LNPEP: variants seen among roughly 807,000 people sequenced by gnomAD.
The protein encoded by LNPEP is leucyl and cystinyl aminopeptidase.
In LNPEP, 64 loss-of-function variants were observed where a neutral mutation model predicts 120.6. The observed-to-expected ratio is 0.53, with a 90% confidence interval of 0.43 to 0.65. The LOEUF (loss-of-function observed/expected upper bound fraction) is 0.65, where lower values mean the gene tolerates loss of function less well. Ranked by LOEUF, LNPEP falls within the 30% of genes least tolerant of loss-of-function variation. The pLI is 0.00. For synonymous variants in LNPEP, 435 were observed against 425.4 expected (o/e 1.02, Z -0.28); for missense variants, 1,057 against 1,200.0 (o/e 0.88, Z 1.76).
intron 13 of LNPEP, among the ~76,000 whole-genome samples, chr5:97,017,947 C>T (rs938197680): frequency 3.3e-5 from 5 of 152,022 alleles, no homozygotes; most frequent in Admixed American, 1.3e-4. Flanking sequence ...GGTGACTAAC[C>T]GTGGCCTTTG....
chr5:96,963,326 G>T (rs1041908628), intron 1 of LNPEP, among the ~76,000 whole-genome samples: 1 of 152,108 alleles, frequency 6.6e-6, no homozygotes, highest in Admixed American at 6.6e-5. Context: ...CATTTTCTTT[G>T]CTCATGATTT....
intron 11 of LNPEP, among the ~76,000 whole-genome samples, chr5:97,012,543 A>G (rs1327091865): frequency 6.6e-6 from 1 of 152,148 alleles, no homozygotes; most frequent in African/African-American, 2.4e-5. Flanking sequence ...GGTCATTGTT[A>G]TAGGGGCTGA....
At chr5:96,943,607 T>C (rs1243517923) in intron 1 of LNPEP, among the ~76,000 whole-genome samples, 1 of 152,212 alleles carries the variant, frequency 6.6e-6, no homozygotes, top group East Asian at 1.9e-4. Flanking sequence ...CTATTCTTTA[T>C]AGCCTGGCTT....
At chr5:96,939,776 C>A (rs1413863509) in intron 1 of LNPEP, among the ~76,000 whole-genome samples, 1 of 151,956 alleles carries the variant, frequency 6.6e-6, no homozygotes, top group Non-Finnish European at 1.5e-5. Context: ...GTCTGGGCAA[C>A]AAATGAGATA....
At chr5:96,968,023 A>G (rs1021721580) in intron 1 of LNPEP, among the ~76,000 whole-genome samples, 1 of 152,124 alleles carries the variant, frequency 6.6e-6, no homozygotes, top group African/African-American at 2.4e-5. Context: ...TGAACAGCAA[A>G]AAGTTACCAG....
rs751879649 is a variant in LNPEP, at chr5:97,003,480, C to T, written c.1719C>T (p.Val573=). The change falls in exon 9 of 18, where the codon GTC becomes GTT. Residue 573 remains valine (V), a synonymous_variant. Coordinates refer to ENST00000231368, the MANE Select transcript of LNPEP (RefSeq NM_005575.3). ...LSEDVFQHAV[V]LYLHNHSYAS... ...AAGATGTGTTTCAACATGCTGTTGTCCTTTACCTGCATAATCACAGCTATG... is the reference window on the plus strand; with the variant it reads ...AAGATGTGTTTCAACATGCTGTTGTTCTTTACCTGCATAATCACAGCTATG... 4.4e-6 allele frequency: 7 copies of T among 1,604,106 alleles called. No individual in the cohort carries two copies. The South Asian group carries it at 7.7e-5, about 18-fold the overall frequency.
Position 97,023,307 on chromosome 5 carries a change from G to T in LNPEP, c.2561+823G>T, listed in dbSNP as rs566795082. On this transcript the variant is annotated intron_variant, in intron 14 of 17. Coordinates refer to ENST00000231368, the MANE Select transcript of LNPEP (RefSeq NM_005575.3). ...CTTGCTCTGTCACCCAGGCTGGAGTGCAGTGGCGCGATCTCAGCTCATTGC... is the reference window on the plus strand; with the variant it reads ...CTTGCTCTGTCACCCAGGCTGGAGTTCAGTGGCGCGATCTCAGCTCATTGC... Among the ~76,000 whole-genome samples, 3 of 152,046 alleles carry T rather than the reference G, an allele frequency of 2.0e-5. No homozygotes were observed. In the South Asian group the frequency reaches 6.3e-4, roughly 32 times the overall value.
intron 1 of LNPEP, among the ~76,000 whole-genome samples, chr5:96,953,127 A>G (rs1035820591): frequency 2.0e-5 from 3 of 150,578 alleles, no homozygotes; most frequent in Non-Finnish European, 4.4e-5. Context: ...GTGGGGTTTG[A>G]CTATACCTGG....
At chr5:97,026,159 A>G (rs1363903000) in intron 15 of LNPEP, among the ~76,000 whole-genome samples, 1 of 152,226 alleles carries the variant, frequency 6.6e-6, no homozygotes, top group Non-Finnish European at 1.5e-5. Context: ...ATTATTTAGT[A>G]CATAGTGTCA....
Position 97,035,233 on chromosome 5 carries a change from A to G in LNPEP, c.*6700A>G, listed in dbSNP as rs1791550486. The G allele has an allele frequency of 6.6e-6, 1 of 152,042 alleles. No homozygotes were observed. The highest frequency in any genetic ancestry group is 2.4e-5 in the African/African-American group (1 of 41,400). The allele number at this position is 152,042 out of a possible 1,614,324, so 9.4% of individuals were successfully genotyped here. A position where few individuals can be genotyped will look rare whatever the true frequency, so the allele number is the denominator to read the frequency against. ...AAAGGACAGTGTCTATACTTTTTAAAGATGTATATAAATGTTTCATGTTAT... is the reference window on the plus strand; with the variant it reads ...AAAGGACAGTGTCTATACTTTTTAAGGATGTATATAAATGTTTCATGTTAT... On this transcript the variant is annotated 3_prime_UTR_variant, in exon 18 of 18. Transcript: ENST00000231368.
At chr5:97,025,388 A>T (rs1791314077) in intron 15 of LNPEP, among the ~76,000 whole-genome samples, 4 of 152,210 alleles carry the variant, frequency 2.6e-5, no homozygotes, top group Admixed American at 2.6e-4. Flanking sequence ...ACCTGTCCAG[A>T]CCCACTTACC....
intron 11 of LNPEP, chr5:97,010,959 T>C (rs762706183): frequency 1.0e-6 from 1 of 985,450 alleles, no homozygotes; most frequent in Non-Finnish European, 1.2e-6. Flanking sequence ...TTTGTGCTGT[T>C]GGCTGTACTG....
chr5:96,962,158 C>A (rs983619336), intron 1 of LNPEP, among the ~76,000 whole-genome samples: 2 of 152,106 alleles, frequency 1.3e-5, no homozygotes, highest in African/African-American at 4.8e-5. Flanking sequence ...CTCTGTGACC[C>A]CCCAGCCTTC....
In LNPEP at chr5:96,993,059, T is replaced by C; in HGVS notation, c.1176T>C (p.Tyr392=). ...CAGAAAAGATTGGTCAAGTTCATTATGCCTTGGAAACAACTGTGAAGCTTC... is the reference window on the plus strand; with the variant it reads ...CAGAAAAGATTGGTCAAGTTCATTACGCCTTGGAAACAACTGTGAAGCTTC... ...AVPEKIGQVH[Y]ALETTVKLLE... Residue 392 remains tyrosine (Y), a synonymous_variant, in exon 5 of 18, where the codon TAT becomes TAC. Transcript: ENST00000231368. 6.3e-7 allele frequency: 1 copy of C among 1,598,538 alleles called. No homozygotes were observed.
intron 1 of LNPEP, among the ~76,000 whole-genome samples, chr5:96,963,744 T>C (rs1168301113): frequency 1.3e-5 from 2 of 152,250 alleles, no homozygotes; most frequent in Non-Finnish European, 2.9e-5. Flanking sequence ...TAAAAAAGAA[T>C]GTTTTGTTTA....
In LNPEP at chr5:97,014,940, C is replaced by T; in HGVS notation, c.2221C>T (p.Leu741=). The T allele has an allele frequency of 6.5e-7, 1 of 1,548,800 alleles. No homozygotes were observed. Among genetic ancestry groups the T allele is most frequent in the Non-Finnish European group, 8.7e-7 (1 of 1,149,756 alleles). The change falls in exon 13 of 18, where the codon CTA becomes TTA. Residue 741 remains leucine (L), a splice_region_variant and synonymous_variant. Coordinates refer to ENST00000231368, the MANE Select transcript of LNPEP (RefSeq NM_005575.3). ...TTTTCCTGTTCTTTTATCCTTTAGC[C>T]TAGGCAAGGTACCTCTCAAGAGGGC... ...LINNIFELAG[L]GKVPLKRAFD... is the part of the protein sequence containing the mutation.
Position 96,963,843 on chromosome 5 carries a change from C to T in LNPEP, c.20-15295C>T, listed in dbSNP as rs550704022. On this transcript the variant is annotated intron_variant, in intron 1 of 17. Coordinates refer to ENST00000231368, the MANE Select transcript of LNPEP (RefSeq NM_005575.3). ...TACATATCTGTGCTATATAATGATC[C>T]AGTAAGGTAGTATATTGATCACCCA... Among the ~76,000 whole-genome samples the T allele has an allele frequency of 9.9e-5, 15 of 152,090 alleles. 1 individual carries two copies. The South Asian group carries it at 3.1e-3, about 32-fold the overall frequency.
intron 13 of LNPEP, among the ~76,000 whole-genome samples, chr5:97,020,556 A>G (rs1791168499): frequency 6.6e-6 from 1 of 152,210 alleles, no homozygotes; most frequent in Non-Finnish European, 1.5e-5. Context: ...TAATCCCAGC[A>G]CTTTGGGAGG....
intron 2 of LNPEP, among the ~76,000 whole-genome samples, chr5:96,982,109 AG>A (rs899969084): frequency 6.6e-6 from 1 of 152,130 alleles, no homozygotes; most frequent in African/African-American, 2.4e-5. Context: ...TTTACAGCTA[AG>A]GGAGCAGAGG....
Sources: gnomAD v4.1 joint callset for allele counts (sites outside exome capture counted in the v4.1 genomes callset) on GRCh38, gnomAD v4.1.1 for gene constraint, MANE v1.5 for transcripts, NCBI Gene and HGNC (gene_info 2026-07-23, HGNC 2026-07-21) for gene names.